TSPAN1: variants seen among roughly 807,000 people sequenced by gnomAD.
The protein encoded by TSPAN1 is tetraspanin-1.
A neutral mutation model predicts 26.9 loss-of-function variants in TSPAN1; 23 were observed. The ratio of observed to expected loss-of-function variants is 0.85; its 90% confidence interval spans 0.62 to 1.21. The LOEUF is 1.21. Among genes scored for constraint, TSPAN1 ranks in the 50% most tolerant of loss-of-function variants. The pLI is 0.00. For synonymous variants in TSPAN1, 115 were observed against 114.8 expected, an observed-to-expected ratio of 1.00 and a Z score of -0.01; for missense variants, 283 against 298.4, an observed-to-expected ratio of 0.95 and a Z score of 0.38.
downstream of TSPAN1, chr1:46,189,093 A>T (rs1657536358): frequency 2.7e-6 from 4 of 1,504,282 alleles, no homozygotes; most frequent in Admixed American, 7.0e-5. Flanking sequence ...CTTTTAACTC[A>T]GGAACGGGGT....
Position 46,182,304 on chromosome 1 carries a change from C to CAAAAAAAAAAAAAAAAAA in TSPAN1, c.57+1153_57+1154insAAAAAAAAAAAAAAAAAA, listed in dbSNP as rs71062743. On this transcript the variant is annotated intron_variant, in intron 3 of 8. Coordinates refer to ENST00000372003, the MANE Select transcript of TSPAN1 (RefSeq NM_005727.4). The stretch of plus-strand genomic sequence containing the variant: ...GGAAACCCAATTTATTAGGGATAAG[C>CAAAAAAAAAAAAAAAAAA]AAAAAAAAAAAAAGCCACTGTGAAG... Among the ~76,000 whole-genome samples, 35 of 30,154 alleles carry CAAAAAAAAAAAAAAAAAA rather than the reference C, an allele frequency of 1.2e-3. 12 individuals are homozygous for CAAAAAAAAAAAAAAAAAA. Among genetic ancestry groups the CAAAAAAAAAAAAAAAAAA allele is most frequent in the African/African-American group, 1.7e-3 (17 of 10,146 alleles). 19.8% of individuals were successfully genotyped at this position (30,154 alleles called of 152,430 possible).
Position 46,184,988 on chromosome 1 carries a change from C to A in TSPAN1, c.467C>A (p.Thr156Lys). Residue 156 changes from threonine to lysine, a missense_variant, in exon 7 of 9, where the codon ACG (threonine) becomes AAG (lysine). Physicochemically the swap from Thr to Lys is moderately conservative, Grantham distance 78. Transcript: ENST00000372003. ...GLKCCGFTNYTDFEDSPYFKE... is the reference protein window; with the variant it reads ...GLKCCGFTNYKDFEDSPYFKE... Reference sequence around the variant, plus strand: ...AAGTGCTGTGGCTTCACCAACTATACGGATTTTGAGGACTCACCCTACTTC... The same window carrying A: ...AAGTGCTGTGGCTTCACCAACTATAAGGATTTTGAGGACTCACCCTACTTC... The A allele has an allele frequency of 6.2e-7, 1 of 1,614,204 alleles. No homozygotes were observed. The highest frequency in any genetic ancestry group is 1.3e-5 in the African/African-American group (1 of 75,032).
At chr1:46,176,503 G>T (rs1311411178) in intron 1 of TSPAN1, 2 of 1,533,392 alleles carry the variant, frequency 1.3e-6, no homozygotes, top group African/African-American at 1.4e-5. Context: ...TGTGCCTGGG[G>T]GGTGCTGTTG....
downstream of TSPAN1, among the ~76,000 whole-genome samples, chr1:46,188,390 C>T (rs532146773): frequency 1.4e-4 from 21 of 152,252 alleles, no homozygotes; most frequent in African/African-American, 4.1e-4. Flanking sequence ...GACAGGTGCC[C>T]GGCCCAGGCA....
At chr1:46,190,043 G>A (rs1657634994), downstream of TSPAN1, 3 of 1,602,502 alleles carry the variant, frequency 1.9e-6, no homozygotes, top group Non-Finnish European at 2.6e-6. Context: ...TCATGGGTGT[G>A]TCCCACAGGA....
chr1:46,178,408 TCCTTTCCCCCTTA>T (rs1657236133), intron 1 of TSPAN1, among the ~76,000 whole-genome samples: 1 of 151,348 alleles, frequency 6.6e-6, no homozygotes, highest in African/African-American at 2.4e-5. Flanking sequence ...AGTCCCTTCT[TCCTTTCCCCCTTA>T]CTCTGCTCCT....
the TSPAN1 span, chr1:46,192,234 T>C: frequency 1.2e-6 from 2 of 1,614,198 alleles, no homozygotes; most frequent in Non-Finnish European, 8.5e-7. Flanking sequence ...CTGGCAGACA[T>C]GGACCACGAT....
intron 2 of TSPAN1, 139 bp downstream of exon 2, chr1:46,180,797 AG>A (rs1657298692): frequency 2.3e-6 from 1 of 432,296 alleles, no homozygotes; most frequent in Non-Finnish European, 4.2e-6. Flanking sequence ...TACAGGTGCT[AG>A]GAAAGAGCAT....
downstream of TSPAN1, among the ~76,000 whole-genome samples, chr1:46,187,626 C>T (rs2148153615): frequency 6.6e-6 from 1 of 152,292 alleles, no homozygotes; most frequent in African/African-American, 2.4e-5. Flanking sequence ...ACCCCTTCAC[C>T]ACCATACTGT....
chr1:46,193,778 T>C, the TSPAN1 span: 3 of 1,602,414 alleles, frequency 1.9e-6, no homozygotes, highest in Non-Finnish European at 2.6e-6. Flanking sequence ...TCTGCCCACC[T>C]CAAGAGTTCC....
At chr1:46,193,743 G>T in the TSPAN1 span, 2 of 1,597,946 alleles carry the variant, frequency 1.3e-6, no homozygotes, top group Admixed American at 1.8e-5. Context: ...CCACAGAGGT[G>T]AATGCGTCTA....
chr1:46,185,617 G>A lies in TSPAN1; in HGVS notation c.*84G>A. The A allele has an allele frequency of 1.3e-6, 2 of 1,491,414 alleles. No homozygotes were observed. The allele number at this position is 1,491,414 out of a possible 1,614,324, so 92.4% of individuals were successfully genotyped here. A position where few individuals can be genotyped will look rare whatever the true frequency, so the allele number is the denominator to read the frequency against. On this transcript the variant is annotated 3_prime_UTR_variant, in exon 9 of 9. Coordinates refer to ENST00000372003, the MANE Select transcript of TSPAN1 (RefSeq NM_005727.4). ...GCAAGCAGCAGTGATTGGGGGAGGG[G>A]ACAGGATCTAACAATGTCACTTGGG...
At chr1:46,195,043 C>G in the TSPAN1 span, 10 of 1,233,994 alleles carry the variant, frequency 8.1e-6, no homozygotes, top group Non-Finnish European at 1.2e-5. Context: ...TATGTAGCAA[C>G]CTTTTACTTA....
chr1:46,190,810 C>G (rs769391427), downstream of TSPAN1: 1 of 1,580,774 alleles, frequency 6.3e-7, no homozygotes, highest in Admixed American at 1.7e-5. Context: ...GAGTGAAAAT[C>G]AGCACCTCAC....
the TSPAN1 span, chr1:46,191,943 C>T: frequency 7.8e-7 from 1 of 1,283,764 alleles, no homozygotes; most frequent in African/African-American, 1.5e-5. Context: ...CCTTTATCCT[C>T]ATTTTTCAGA....
Position 46,185,952 on chromosome 1 carries a change from CA to C in TSPAN1, c.*421del, listed in dbSNP as rs1361219713. The stretch of plus-strand genomic sequence containing the variant: ...CACTTCAAAATGCATAAACCTGTTA[CA>C]ATGTTGCCAGTTGGACTCTTCATGT... On this transcript the variant is annotated 3_prime_UTR_variant, in exon 9 of 9. Transcript: ENST00000372003. The C allele has an allele frequency of 4.9e-6, 1 of 202,852 alleles. No individual in the cohort carries two copies. Among genetic ancestry groups the C allele is most frequent in the African/African-American group, 2.3e-5 (1 of 42,666 alleles). 12.6% of individuals were successfully genotyped at this position (202,852 alleles called of 1,614,324 possible).
At chr1:46,189,145 T>A, downstream of TSPAN1, 1 of 1,497,054 alleles carries the variant, frequency 6.7e-7, no homozygotes, top group Non-Finnish European at 8.9e-7. Context: ...AGTAATTAAG[T>A]CTCATGTTAA....
intron 1 of TSPAN1, 88 bp downstream of exon 1, chr1:46,175,497 T>C (rs576254167): frequency 2.8e-4 from 112 of 398,578 alleles, no homozygotes; most frequent in African/African-American, 2.2e-3. Context: ...TTGAGCAGAA[T>C]GACTGTATTT....
chr1:46,185,321 G>A lies in TSPAN1; in HGVS notation c.678+13G>A, dbSNP rs1657406537. On this transcript the variant is annotated intron_variant, in intron 8 of 8. Transcript: ENST00000372003. ...TGGGGGCCTCGAGGTAAGCAGATGAGGAGGCTGGGACTGGGACATGGGCAT... is the reference window on the plus strand; with the variant it reads ...TGGGGGCCTCGAGGTAAGCAGATGAAGAGGCTGGGACTGGGACATGGGCAT... 3.1e-6 allele frequency: 5 copies of A among 1,613,778 alleles called. No homozygotes were observed. The South Asian group carries it at 3.3e-5, about 11-fold the overall frequency.
Sources: gnomAD v4.1 joint callset for allele counts (sites outside exome capture counted in the v4.1 genomes callset) on GRCh38, gnomAD v4.1.1 for gene constraint, MANE v1.5 for transcripts, NCBI Gene and HGNC (gene_info 2026-07-23, HGNC 2026-07-21) for gene names.